IGF2BP1: variants seen among roughly 807,000 people sequenced by gnomAD.
IGF2BP1 encodes the protein insulin-like growth factor 2 mRNA-binding protein 1.
In IGF2BP1, 11 loss-of-function variants were observed where a neutral mutation model predicts 74.9. The ratio of observed to expected loss-of-function variants is 0.15; its 90% confidence interval spans 0.09 to 0.24. IGF2BP1 has a LOEUF of 0.24. IGF2BP1 is among the 10% of genes least tolerant of loss of function. The pLI is 1.00. For missense variants in IGF2BP1, 440 were observed against 757.4 expected (o/e 0.58, Z 4.92); for synonymous variants, 287 against 281.8 (o/e 1.02, Z -0.18).
At chr17:49,043,573 C>A in intron 10 of IGF2BP1, 23 bp downstream of exon 10, 1 of 1,612,230 alleles carries the variant, frequency 6.2e-7, no homozygotes, top group Non-Finnish European at 8.5e-7. Flanking sequence ...TCTTATTACA[C>A]GGGATCCCTG....
intron 2 of IGF2BP1, chr17:49,014,930 C>G: frequency 1.0e-6 from 1 of 985,284 alleles, no homozygotes; most frequent in Non-Finnish European, 1.2e-6. Flanking sequence ...CTCTGGAGGA[C>G]AGAGCCCGAC....
rs1166064007 is a variant in IGF2BP1 at position 49,055,723 on chromosome 17, C to T, written c.*6279C>T. 2.8e-5 allele frequency: 11 copies of T among 398,342 alleles called. No individual in the cohort carries two copies. The highest frequency in any genetic ancestry group is 4.0e-5 in the Non-Finnish European group (9 of 226,062). 24.7% of individuals were successfully genotyped at this position (398,342 alleles called of 1,614,324 possible). ...GAGTGAATCAAAAGAGCTTCCTCCC[C>T]TGAGGCAAAGTGGATTTGTAAGCAG... On this transcript the variant is annotated 3_prime_UTR_variant, in exon 15 of 15. Coordinates refer to ENST00000290341, the MANE Select transcript of IGF2BP1 (RefSeq NM_006546.4).
intron 3 of IGF2BP1, 96 bp from the exon 4 acceptor site, chr17:49,026,370 A>G (rs892211004): frequency 9.4e-6 from 10 of 1,069,198 alleles, no homozygotes; most frequent in Middle Eastern, 2.0e-4. Context: ...GGCTCTGTCA[A>G]TGCCCGATTG....
Position 49,045,001 on chromosome 17 carries a change from C to T in IGF2BP1, c.1331C>T (p.Pro444Leu). The T allele has an allele frequency of 2.5e-6, 4 of 1,614,114 alleles. No individual in the cohort carries two copies. The highest frequency in any genetic ancestry group is 3.4e-6 in the Non-Finnish European group (4 of 1,179,980). The change falls in exon 12 of 15, where the codon CCC becomes CTC. Residue 444 changes from proline to leucine, a missense_variant. Physicochemically the swap from Pro to Leu is moderately conservative, Grantham distance 98 (BLOSUM62 -3). Transcript: ENST00000290341. The part of the protein sequence containing the change: ...FASASIKIAP[P>L]ETPDSKVRMV... ...CTTTTTGCTTTTTAGATTGCACCACCCGAAACACCTGACTCCAAAGTTCGT... is the reference window on the plus strand; with the variant it reads ...CTTTTTGCTTTTTAGATTGCACCACTCGAAACACCTGACTCCAAAGTTCGT...
intron 2 of IGF2BP1, among the ~76,000 whole-genome samples, chr17:49,003,585 T>G (rs185195914): frequency 5.3e-5 from 8 of 152,250 alleles, no homozygotes; most frequent in Non-Finnish European, 1.2e-4. Context: ...TTTTCCCAGC[T>G]GTTAGAATTT....
At chr17:49,037,068 C>A in intron 5 of IGF2BP1, 1 of 259,198 alleles carries the variant, frequency 3.9e-6, no homozygotes, top group Non-Finnish European at 7.9e-6. Context: ...TCATGTAAAC[C>A]ATTTCAAGCA....
chr17:49,026,287 CAA>C (rs1265510424), intron 3 of IGF2BP1, 177 bp from the exon 4 acceptor site: 4 of 575,266 alleles, frequency 7.0e-6, no homozygotes, highest in Non-Finnish European at 1.2e-5. Context: ...TACACTCCTG[CAA>C]AGATACCCCA....
intron 2 of IGF2BP1, among the ~76,000 whole-genome samples, chr17:49,020,282 C>G (rs926673865): frequency 1.3e-5 from 2 of 151,944 alleles, no homozygotes; most frequent in African/African-American, 4.8e-5. Context: ...GACCCCATGA[C>G]CCACCCACCT....
At position 49,052,702 on chromosome 17, in the gene IGF2BP1, C is replaced by G. The variant is rs1012064360; in HGVS notation, c.*3258C>G. On this transcript the variant is annotated 3_prime_UTR_variant, in exon 15 of 15. Coordinates refer to ENST00000290341, the MANE Select transcript of IGF2BP1 (RefSeq NM_006546.4). ...GCTAGGTCTTAGGGCAACTCCTTGC[C>G]CTCCTGCTCAGCACCTCCATTTCCC... 7 of 152,504 alleles carry G rather than the reference C, an allele frequency of 4.6e-5. No homozygotes were observed. The East Asian group carries it at 1.4e-3, about 29-fold the overall frequency. 9.4% of individuals were successfully genotyped at this position (152,504 alleles called of 1,614,324 possible).
rs2042094148 is a variant in IGF2BP1 at position 49,044,995 on chromosome 17, C to A, written c.1325C>A (p.Ala442Glu). ...SRFASASIKIAPPETPDSKVR... is the reference protein window; with the variant it reads ...SRFASASIKIEPPETPDSKVR... ...GACTAGCTTTTTGCTTTTTAGATTG[C>A]ACCACCCGAAACACCTGACTCCAAA... Residue 442 changes from alanine to glutamate, a missense_variant, in exon 12 of 15, where the codon GCA (alanine) becomes GAA (glutamate). Ala to Glu is a moderately radical substitution (Grantham distance 107). Around this residue, in one of 5 missense-constraint regions of IGF2BP1, gnomAD observed 117 missense variants for 237.2 expected, o/e 0.49. Coordinates refer to ENST00000290341, the MANE Select transcript of IGF2BP1 (RefSeq NM_006546.4). 3 of 1,613,874 alleles carry A rather than the reference C, an allele frequency of 1.9e-6. No homozygotes were observed. The highest frequency in any genetic ancestry group is 1.7e-6 in the Non-Finnish European group (2 of 1,179,862).
chr17:49,028,811 T>A (rs1410452936), intron 4 of IGF2BP1, among the ~76,000 whole-genome samples: 2 of 152,114 alleles, frequency 1.3e-5, no homozygotes, highest in Non-Finnish European at 1.5e-5. Context: ...ATCTGATTTA[T>A]TATTATTATT....
chr17:49,029,734 C>T (rs2144072643), intron 4 of IGF2BP1, among the ~76,000 whole-genome samples: 1 of 152,034 alleles, frequency 6.6e-6, no homozygotes, highest in East Asian at 1.9e-4. Flanking sequence ...AAGTGATTCT[C>T]CTGCTGCCTC....
intron 9 of IGF2BP1, among the ~76,000 whole-genome samples, chr17:49,042,580 C>G (rs976036188): frequency 2.6e-5 from 4 of 152,090 alleles, no homozygotes; most frequent in Non-Finnish European, 5.9e-5. Flanking sequence ...GAGTAGGGGT[C>G]CAATCTTGGG....
intron 5 of IGF2BP1, among the ~76,000 whole-genome samples, chr17:49,034,952 T>G (rs2041970207): frequency 6.6e-6 from 1 of 152,184 alleles, no homozygotes; most frequent in Non-Finnish European, 1.5e-5. Flanking sequence ...ATTGACAAGT[T>G]GATCTTGAGG....
At chr17:49,031,661 T>G (rs1323493275) in intron 4 of IGF2BP1, among the ~76,000 whole-genome samples, 1 of 151,732 alleles carries the variant, frequency 6.6e-6, no homozygotes, top group Non-Finnish European at 1.5e-5. Context: ...CACGTGCCAC[T>G]ACGCCCGGCT....
intron 5 of IGF2BP1, chr17:49,037,268 A>C: frequency 2.2e-6 from 1 of 446,060 alleles, no homozygotes; most frequent in Non-Finnish European, 4.2e-6. Flanking sequence ...TTACGGTAGG[A>C]AAATGCTGGA....
intron 2 of IGF2BP1, among the ~76,000 whole-genome samples, chr17:49,022,196 C>T (rs558902059): frequency 2.0e-4 from 30 of 152,190 alleles, no homozygotes; most frequent in Non-Finnish European, 3.8e-4. Context: ...AAGTTCCCAA[C>T]ACACTGCCCC....
chr17:49,054,098 T>A lies in IGF2BP1; in HGVS notation c.*4654T>A, dbSNP rs1347551194. 2 of 152,708 alleles carry A rather than the reference T, an allele frequency of 1.3e-5. No homozygotes were observed. Among genetic ancestry groups the A allele is most frequent in the Non-Finnish European group, 2.9e-5 (2 of 68,068 alleles). The allele number at this position is 152,708 out of a possible 1,614,324, so 9.5% of individuals were successfully genotyped here. On this transcript the variant is annotated 3_prime_UTR_variant, in exon 15 of 15. Transcript: ENST00000290341. The stretch of plus-strand genomic sequence containing the variant: ...CTGCAGTTTCTTTCCTTTGGATACA[T>A]AAGGCTTCTCTATCGGGGTACGGGA...
chr17:49,037,773 G>C (rs1051886622), intron 5 of IGF2BP1, among the ~76,000 whole-genome samples: 5 of 152,140 alleles, frequency 3.3e-5, no homozygotes, highest in Admixed American at 3.3e-4. Context: ...TGTTAGCTTT[G>C]TGGAGCCTCT....
Sources: gnomAD v4.1 joint callset for allele counts (sites outside exome capture counted in the v4.1 genomes callset) on GRCh38, gnomAD v4.1.1 for gene constraint, gnomAD v4.1.1 regional missense constraint, MANE v1.5 for transcripts, NCBI Gene and HGNC (gene_info 2026-07-23, HGNC 2026-07-21) for gene names.